PPARA: variants seen among roughly 807,000 people sequenced by gnomAD.
PPARA encodes the protein peroxisome proliferator-activated receptor alpha.
Under a neutral mutation model 42.2 loss-of-function variants are expected in PPARA, and 22 were observed. That is an observed-to-expected ratio of 0.52 (90% CI 0.37 to 0.74). The LOEUF is 0.74. Among genes scored for constraint, PPARA ranks in the 30% least tolerant of loss-of-function variants. The probability of loss-of-function intolerance (pLI) is 0.00; values close to 1 mark genes in which losing one functional copy is unlikely to be tolerated. For missense variants in PPARA, 465 were observed against 608.2 expected, an observed-to-expected ratio of 0.76 and a Z score of 2.48; for synonymous variants, 242 against 239.3, an observed-to-expected ratio of 1.01 and a Z score of -0.10.
In PPARA at chr22:46,225,787, A is replaced by C. The variant is rs1212962597; in HGVS notation, c.711+5773A>C. On this transcript the variant is annotated intron_variant, in intron 7 of 8. Coordinates refer to ENST00000407236, the MANE Select transcript of PPARA (RefSeq NM_005036.6). This position sits in a 1 kb window ranked among gnomAD's most constrained non-coding sequence, Gnocchi z 4.1. ...CATGCATGCACGTGTAAACACACAC[A>C]CCCCCACACATACACGTGCACCCAC... is the stretch of plus-strand genomic sequence containing the variant. Among the ~76,000 whole-genome samples the C allele has an allele frequency of 4.0e-5, 6 of 150,274 alleles. No individual in the cohort carries two copies. The highest frequency in any genetic ancestry group is 5.9e-5 in the Non-Finnish European group (4 of 67,622).
Position 46,172,318 on chromosome 22 carries a change from T to TAAAAAAAA in PPARA, c.-126-4420_-126-4413dup, listed in dbSNP as rs35328780. Reference sequence around the variant, plus strand: ...AAACCACAGGATGAATGCAAGTAATTAAAAAAAAAAAAAAAAAAAAAACAG... The same window carrying TAAAAAAAA: ...AAACCACAGGATGAATGCAAGTAATTAAAAAAAAAAAAAAAAAAAAAAAAAAAAAACAG... On this transcript the variant is annotated intron_variant, in intron 2 of 8. Transcript: ENST00000407236. Among the ~76,000 whole-genome samples the TAAAAAAAA allele has an allele frequency of 4.4e-3, 524 of 119,542 alleles. 6 individuals are homozygous for TAAAAAAAA. The highest frequency in any genetic ancestry group is 0.015 in the African/African-American group (502 of 32,906). The allele number at this position is 119,542 out of a possible 152,430, so 78.4% of individuals were successfully genotyped here.
chr22:46,169,500 C>T (rs1002980689), intron 2 of PPARA, among the ~76,000 whole-genome samples: 5 of 151,846 alleles, frequency 3.3e-5, no homozygotes, highest in African/African-American at 1.2e-4. Flanking sequence ...TCCCAAAGTG[C>T]TGGGATTACA....
intron 2 of PPARA, chr22:46,164,663 T>G (rs1926769740): frequency 6.6e-6 from 1 of 152,270 alleles, no homozygotes. Flanking sequence ...CACCCTCAGC[T>G]GCTAGAAGGT....
Position 46,173,878 on chromosome 22 carries a change from C to T in PPARA, c.-126-2875C>T, listed in dbSNP as rs1336318778. On this transcript the variant is annotated intron_variant, in intron 2 of 8. Transcript: ENST00000407236. This position sits in a 1 kb window ranked among gnomAD's most constrained non-coding sequence, Gnocchi z 4.3. The stretch of plus-strand genomic sequence containing the variant: ...TGCAACTCACCCTCAAATACACACA[C>T]ACATACACATATATACATACATACC... Among the ~76,000 whole-genome samples, 1 of 151,914 alleles carries T rather than the reference C, an allele frequency of 6.6e-6. No homozygotes were observed. The highest frequency in any genetic ancestry group is 1.5e-5 in the Non-Finnish European group (1 of 68,040).
rs897419033 is a variant in PPARA at position 46,236,236 on chromosome 22, ACT to A, written c.*859_*860del. 1.3e-5 allele frequency: 2 copies of A among 152,294 alleles called. No individual in the cohort carries two copies. Among genetic ancestry groups the A allele is most frequent in the African/African-American group, 4.8e-5 (2 of 41,294 alleles). The allele number at this position is 152,294 out of a possible 1,614,324, so 9.4% of individuals were successfully genotyped here. A position where few individuals can be genotyped will look rare whatever the true frequency, so the allele number is the denominator to read the frequency against. Reference sequence around the variant, plus strand: ...CACTCCAGCCTGGTGACAGAACGAGACTCTGTCTTAAAAACAAACAAACAAAA... The same window carrying A: ...CACTCCAGCCTGGTGACAGAACGAGACTGTCTTAAAAACAAACAAACAAAA... On this transcript the variant is annotated 3_prime_UTR_variant, in exon 9 of 9. Transcript: ENST00000407236. The surrounding 1 kb of genome is among the most constrained non-coding windows in gnomAD (Gnocchi z 5.2).
rs902397390 is a variant in PPARA, at chr22:46,183,793, G to A, written c.-43+6957G>A. ...AGCTAAATTATCAAATGTCTAGATCGTTGATGGTTGGAAGTAAAGTTGAGA... is the reference window on the plus strand; with the variant it reads ...AGCTAAATTATCAAATGTCTAGATCATTGATGGTTGGAAGTAAAGTTGAGA... On this transcript the variant is annotated intron_variant, in intron 3 of 8. Transcript: ENST00000407236. The surrounding 1 kb of genome is among the most constrained non-coding windows in gnomAD (Gnocchi z 5.5). 2.0e-5 allele frequency among the ~76,000 whole-genome samples: 3 copies of A among 152,150 alleles called. No homozygotes were observed. Among genetic ancestry groups the A allele is most frequent in the Admixed American group, 1.3e-4 (2 of 15,258 alleles).
chr22:46,175,003 C>T (rs910423815), intron 2 of PPARA, among the ~76,000 whole-genome samples: 14 of 151,828 alleles, frequency 9.2e-5, no homozygotes, highest in South Asian at 2.1e-4. Flanking sequence ...CCTCTGTCTC[C>T]TGGATTCAAG....
At chr22:46,169,936 A>C (rs1029282329) in intron 2 of PPARA, among the ~76,000 whole-genome samples, 1 of 152,028 alleles carries the variant, frequency 6.6e-6, no homozygotes, top group African/African-American at 2.4e-5. Context: ...TGGACTTTAC[A>C]GAGCTGACTA....
rs571608817 is a variant in PPARA at position 46,190,116 on chromosome 22, C to T, written c.-42-8226C>T. On this transcript the variant is annotated intron_variant, in intron 3 of 8. Coordinates refer to ENST00000407236, the MANE Select transcript of PPARA (RefSeq NM_005036.6). This position sits in a 1 kb window ranked among gnomAD's most constrained non-coding sequence, Gnocchi z 5.6. ...TTAAATCTTAGCCCAACAAATTGAG[C>T]GAAAAGACTTCTAGATGTTAAATAT... Among the ~76,000 whole-genome samples, 7 of 152,008 alleles carry T rather than the reference C, an allele frequency of 4.6e-5. No individual in the cohort carries two copies. The highest frequency in any genetic ancestry group is 2.1e-4 in the South Asian group (1 of 4,790).
chr22:46,151,382 T>C (rs890257573), intron 1 of PPARA, among the ~76,000 whole-genome samples: 3 of 152,158 alleles, frequency 2.0e-5, no homozygotes, highest in African/African-American at 7.2e-5. Context: ...CGCCCAGGTC[T>C]TTCCGGAGTC....
chr22:46,158,574 G>T (rs541934014), intron 2 of PPARA, among the ~76,000 whole-genome samples: 1 of 152,210 alleles, frequency 6.6e-6, no homozygotes, highest in Non-Finnish European at 1.5e-5. Flanking sequence ...ATTTAAATGC[G>T]TGTTTATAAT....
At position 46,182,410 on chromosome 22, in the gene PPARA, T is replaced by A. The variant is rs1221221358; in HGVS notation, c.-43+5574T>A. On this transcript the variant is annotated intron_variant, in intron 3 of 8. Coordinates refer to ENST00000407236, the MANE Select transcript of PPARA (RefSeq NM_005036.6). This position sits in a 1 kb window ranked among gnomAD's most constrained non-coding sequence, Gnocchi z 5.2. Reference sequence around the variant, plus strand: ...TGGCCTATGAATACCCATAACAACATGGATGAATGCTGAAATAATTGTGCT... The same window carrying A: ...TGGCCTATGAATACCCATAACAACAAGGATGAATGCTGAAATAATTGTGCT... Among the ~76,000 whole-genome samples, 4 of 152,166 alleles carry A rather than the reference T, an allele frequency of 2.6e-5. No homozygotes were observed. The highest frequency in any genetic ancestry group is 1.5e-5 in the Non-Finnish European group (1 of 68,030).
In PPARA at chr22:46,219,679, A is replaced by G; in HGVS notation, c.509-133A>G. ...TCTCCATAGTGGAAAGCCGAATAGT[A>G]ATGAAGGATGGGTCTGAACTGCCTG... On this transcript the variant is annotated intron_variant, in intron 6 of 8. Coordinates refer to ENST00000407236, the MANE Select transcript of PPARA (RefSeq NM_005036.6). The surrounding 1 kb of genome is among the most constrained non-coding windows in gnomAD (Gnocchi z 4.8). 2.4e-6 allele frequency: 2 copies of G among 846,460 alleles called. No individual in the cohort carries two copies. The highest frequency in any genetic ancestry group is 3.9e-6 in the Non-Finnish European group (2 of 511,770). The allele number at this position is 846,460 out of a possible 1,614,324, so 52.4% of individuals were successfully genotyped here.
chr22:46,198,651 G>C, intron 4 of PPARA, 60 bp downstream of exon 4: 1 of 972,218 alleles, frequency 1.0e-6, no homozygotes, highest in Non-Finnish European at 1.5e-6. Flanking sequence ...CAAGAAAACT[G>C]TTCTCTCTTT....
Position 46,219,258 on chromosome 22 carries a change from A to G in PPARA, c.509-554A>G, listed in dbSNP as rs577952742. ...AACTTCAGTGGTAAGACTTTGATAC[A>G]GAATCGAAAAACCAAGTGGAAGGCA... On this transcript the variant is annotated intron_variant, in intron 6 of 8. Transcript: ENST00000407236. The surrounding 1 kb of genome is among the most constrained non-coding windows in gnomAD (Gnocchi z 4.8). Among the ~76,000 whole-genome samples, 92 of 152,334 alleles carry G rather than the reference A, an allele frequency of 6.0e-4. 1 individual carries two copies. The highest frequency in any genetic ancestry group is 3.7e-3 in the South Asian group (18 of 4,832).
rs1032479500 is a variant in PPARA, at chr22:46,231,236, T to G, written c.712-556T>G. 4.6e-5 allele frequency among the ~76,000 whole-genome samples: 7 copies of G among 151,266 alleles called. No homozygotes were observed. Among genetic ancestry groups the G allele is most frequent in the African/African-American group, 1.7e-4 (7 of 41,152 alleles). On this transcript the variant is annotated intron_variant, in intron 7 of 8. Transcript: ENST00000407236. The surrounding 1 kb of genome is among the most constrained non-coding windows in gnomAD (Gnocchi z 7.7). ...GCCTGGCTAATTTTTTTTTTTTTTT[T>G]GAGACGGAGTCTCGCTCTGTCACCC...
chr22:46,201,930 T>G (rs1164685583), intron 4 of PPARA, among the ~76,000 whole-genome samples: 1 of 152,246 alleles, frequency 6.6e-6, no homozygotes, highest in African/African-American at 2.4e-5. Flanking sequence ...TTTGCCTTTC[T>G]TTTTTAAGGC....
At chr22:46,164,820 G>A (rs1926797481) in intron 2 of PPARA, 1 of 152,102 alleles carries the variant, frequency 6.6e-6, no homozygotes, top group Non-Finnish European at 1.5e-5. Flanking sequence ...CTGAATATGA[G>A]GAAAACATTA....
At position 46,212,729 on chromosome 22, in the gene PPARA, C is replaced by A. The variant is rs1934060146; in HGVS notation, c.209-2444C>A. On this transcript the variant is annotated intron_variant, in intron 4 of 8. Transcript: ENST00000407236. The surrounding 1 kb of genome is among the most constrained non-coding windows in gnomAD (Gnocchi z 4.2). ...TAATAAAGCTGGCCATGCACAGTGGCTCACACCTGTAATCCCAGCATTTTG... is the reference window on the plus strand; with the variant it reads ...TAATAAAGCTGGCCATGCACAGTGGATCACACCTGTAATCCCAGCATTTTG... Among the ~76,000 whole-genome samples the A allele has an allele frequency of 6.6e-6, 1 of 152,188 alleles. No individual in the cohort carries two copies. The highest frequency in any genetic ancestry group is 1.5e-5 in the Non-Finnish European group (1 of 68,028).
Sources: allele counts gnomAD v4.1 joint callset (sites outside exome capture counted in the v4.1 genomes callset), GRCh38; gene constraint gnomAD v4.1.1; non-coding constraint Gnocchi (gnomAD v3.1); transcripts MANE v1.5; gene names NCBI Gene and HGNC (gene_info 2026-07-23, HGNC 2026-07-21).